WDR7: variants seen among roughly 807,000 people sequenced by gnomAD.
The protein encoded by WDR7 is WD repeat domain 7.
Under a neutral mutation model 169.4 loss-of-function variants are expected in WDR7, and 46 were observed. The observed-to-expected ratio is 0.27, with a 90% CI of 0.21 to 0.35. WDR7 has a LOEUF of 0.35. Among genes scored for constraint, WDR7 ranks in the 10% least tolerant of loss-of-function variants. WDR7 has a pLI of 1.00. For missense variants in WDR7, 1,534 were observed against 1,859.3 expected, an observed-to-expected ratio of 0.83 and a Z score of 3.22; for synonymous variants, 612 against 666.8, an observed-to-expected ratio of 0.92 and a Z score of 1.27.
chr18:56,694,408 T>G (rs1254877570), intron 9 of WDR7, among the ~76,000 whole-genome samples: 2 of 152,224 alleles, frequency 1.3e-5, no homozygotes, highest in Non-Finnish European at 2.9e-5. Context: ...TTTCATTCAA[T>G]GTGTGTGTTA....
At chr18:56,652,533 G>A (rs2024679338) in intron 1 of WDR7, among the ~76,000 whole-genome samples, 1 of 152,134 alleles carries the variant, frequency 6.6e-6, no homozygotes. Context: ...CTGTATGAAG[G>A]TCAGCTTAAA....
intron 19 of WDR7, among the ~76,000 whole-genome samples, chr18:56,795,542 T>G (rs1424222711): frequency 6.6e-6 from 1 of 152,188 alleles, no homozygotes; most frequent in Non-Finnish European, 1.5e-5. Flanking sequence ...CTGTATTTAC[T>G]TTCCCTCACA....
chr18:56,757,638 T>G (rs1396763934), intron 15 of WDR7, among the ~76,000 whole-genome samples: 1 of 152,114 alleles, frequency 6.6e-6, no homozygotes, highest in Non-Finnish European at 1.5e-5. Context: ...ATTATAAAAT[T>G]GTATACGTAC....
At chr18:56,858,889 AG>A (rs1180983962) in intron 20 of WDR7, among the ~76,000 whole-genome samples, 1 of 152,168 alleles carries the variant, frequency 6.6e-6, no homozygotes, top group Non-Finnish European at 1.5e-5. Flanking sequence ...GAAGGGGTTG[AG>A]GGGCAGTAAG....
At position 56,923,915 on chromosome 18, in the gene WDR7, A is replaced by G; in HGVS notation, c.3527-7A>G. The G allele has an allele frequency of 6.5e-7, 1 of 1,531,614 alleles. No homozygotes were observed. The highest frequency in any genetic ancestry group is 8.7e-7 in the Non-Finnish European group (1 of 1,143,694). The allele number at this position is 1,531,614 out of a possible 1,614,324, so 94.9% of individuals were successfully genotyped here. Reference sequence around the variant, plus strand: ...CTTTTGCTCTGCATTTTATTCTATAATTTCAGGCAAGGCACTGACGTTTCT... The same window carrying G: ...CTTTTGCTCTGCATTTTATTCTATAGTTTCAGGCAAGGCACTGACGTTTCT... On this transcript the variant is annotated splice_region_variant and splice_polypyrimidine_tract_variant and intron_variant, in intron 21 of 27. Transcript: ENST00000254442.
At chr18:57,001,920 T>C (rs902218180) in intron 26 of WDR7, among the ~76,000 whole-genome samples, 15 of 152,158 alleles carry the variant, frequency 9.9e-5, no homozygotes, top group African/African-American at 2.9e-4. Flanking sequence ...ATATGAACCC[T>C]AACTAGAAAA....
intron 20 of WDR7, among the ~76,000 whole-genome samples, chr18:56,861,917 G>A (rs1327339981): frequency 6.6e-6 from 1 of 151,912 alleles, no homozygotes; most frequent in Non-Finnish European, 1.5e-5. Flanking sequence ...GACTTTTTCA[G>A]TACTTTTACA....
intron 12 of WDR7, among the ~76,000 whole-genome samples, chr18:56,697,053 G>A (rs1330765179): frequency 8.0e-6 from 1 of 125,480 alleles, no homozygotes; most frequent in Non-Finnish European, 1.7e-5. Context: ...GGAGGGCTTA[G>A]GACTGATAAC....
At chr18:56,979,954 G>A (rs1056597237) in intron 26 of WDR7, among the ~76,000 whole-genome samples, 7 of 152,140 alleles carry the variant, frequency 4.6e-5, no homozygotes, top group Admixed American at 3.9e-4. Context: ...TATGCACCAC[G>A]GTTTTATGGT....
At chr18:56,809,347 G>T (rs61619477) in intron 19 of WDR7, among the ~76,000 whole-genome samples, 17,854 of 151,568 alleles carry the variant, frequency 0.12, 1,519 homozygotes, top group African/African-American at 0.24. Context: ...AACGCAATTT[G>T]TGCCATGAGA....
chr18:56,919,867 C>T (rs1330269118), intron 21 of WDR7, among the ~76,000 whole-genome samples: 1 of 152,142 alleles, frequency 6.6e-6, no homozygotes, highest in Non-Finnish European at 1.5e-5. Context: ...CACATGACAC[C>T]TCAAATACTG....
At chr18:56,829,256 TAA>T (rs34752059) in intron 20 of WDR7, among the ~76,000 whole-genome samples, 5 of 142,626 alleles carry the variant, frequency 3.5e-5, no homozygotes, top group Admixed American at 7.0e-5. Context: ...AGGCCTTCTG[TAA>T]AAAAAAAAAA....
At chr18:56,718,298 G>A (rs1292768056) in intron 13 of WDR7, 139 bp downstream of exon 13, 11 of 932,878 alleles carry the variant, frequency 1.2e-5, no homozygotes, top group Non-Finnish European at 1.7e-5. Context: ...TTGTTTAAGT[G>A]GCCTCTTTTT....
At position 57,027,102 on chromosome 18, in the gene WDR7, C is replaced by A. The variant is rs75688042; in HGVS notation, c.4368C>A (p.Ser1456=). Reference sequence around the variant, plus strand: ...AGGTGCCCCCTGTGCAGCCCGCGTCCCCCGGCTCCCACAATGCCCTCAAGC... The same window carrying A: ...AGGTGCCCCCTGTGCAGCCCGCGTCACCCGGCTCCCACAATGCCCTCAAGC... ...TYQVPPVQPA[S]PGSHNALKLA... is the part of the protein sequence containing the mutation. Residue 1456 remains serine (S), a synonymous_variant, in exon 28 of 28, where the codon TCC becomes TCA. Transcript: ENST00000254442. The A allele has an allele frequency of 1.3e-3, 2,033 of 1,614,202 alleles. 25 individuals carry two copies. The African/African-American group carries it at 0.023, about 18-fold the overall frequency.
chr18:56,734,981 A>G (rs896989869), intron 14 of WDR7, among the ~76,000 whole-genome samples: 1 of 152,194 alleles, frequency 6.6e-6, no homozygotes, highest in Non-Finnish European at 1.5e-5. Context: ...GTCATAGAAG[A>G]ACTTGAATGC....
rs1323284161 is a variant in WDR7, at chr18:56,691,654, G to A, written c.864-61G>A. The A allele has an allele frequency of 1.1e-5, 15 of 1,399,348 alleles. No homozygotes were observed. The Admixed American group carries it at 2.9e-4, about 27-fold the overall frequency. The allele number at this position is 1,399,348 out of a possible 1,614,324, so 86.7% of individuals were successfully genotyped here. ...CCAATACCAACAAACCTTGTCATAT[G>A]GAATTATAAAGTATTTAATGTCAGT... On this transcript the variant is annotated intron_variant, in intron 8 of 27. Transcript: ENST00000254442.
At chr18:57,000,892 A>G (rs1027892394) in intron 26 of WDR7, among the ~76,000 whole-genome samples, 2 of 152,158 alleles carry the variant, frequency 1.3e-5, no homozygotes, top group Admixed American at 1.3e-4. Flanking sequence ...TCAGTTGAAT[A>G]TAAATATTAG....
At chr18:56,956,373 G>A (rs901898860) in intron 25 of WDR7, among the ~76,000 whole-genome samples, 3 of 152,084 alleles carry the variant, frequency 2.0e-5, no homozygotes, top group Non-Finnish European at 4.4e-5. Context: ...ATTCTGGAGG[G>A]TGTATGCAAA....
intron 26 of WDR7, among the ~76,000 whole-genome samples, chr18:56,989,086 A>G (rs1000427437): frequency 6.9e-5 from 7 of 101,056 alleles, no homozygotes; most frequent in African/African-American, 1.9e-4. Flanking sequence ...GTTTTTTGAA[A>G]AAAAAAAAAA....
Sources: allele counts gnomAD v4.1 joint callset (sites outside exome capture counted in the v4.1 genomes callset), GRCh38; gene constraint gnomAD v4.1.1; transcripts MANE v1.5; gene names NCBI Gene and HGNC (gene_info 2026-07-23, HGNC 2026-07-21).